The following KANK2 variants were observed in gnomAD, a reference collection of about 807,000 sequenced individuals.
The protein encoded by KANK2 is KN motif and ankyrin repeat domain-containing protein 2.
Under a neutral mutation model 74.6 loss-of-function variants are expected in KANK2, and 41 were observed. That is an observed-to-expected ratio of 0.55 (90% CI 0.43 to 0.71). KANK2 has a LOEUF of 0.71. KANK2 is among the 30% of genes least tolerant of loss of function. KANK2 has a pLI of 0.00. For synonymous variants in KANK2, 537 were observed against 519.0 expected, an observed-to-expected ratio of 1.03 and a Z score of -0.47; for missense variants, 1,148 against 1,196.4, an observed-to-expected ratio of 0.96 and a Z score of 0.60.
At chr19:11,192,388 G>GTGTC (rs2078870271) in intron 4 of KANK2, 1 of 256,486 alleles carries the variant, frequency 3.9e-6, no homozygotes, top group South Asian at 4.5e-5. Flanking sequence ...TTGGACTGAT[G>GTGTC]TGTCTGGTGG....
At chr19:11,183,054 G>A (rs1245957265) in intron 4 of KANK2, among the ~76,000 whole-genome samples, 1 of 152,044 alleles carries the variant, frequency 6.6e-6, no homozygotes, top group Non-Finnish European at 1.5e-5. Flanking sequence ...CTGGGGAATG[G>A]GGCCAACTGA....
Position 11,176,676 on chromosome 19 carries a change from C to G in KANK2, c.1662G>C (p.Ala554=). Residue 554 remains alanine (A), a synonymous_variant, in exon 7 of 13, where the codon GCG becomes GCC. Coordinates refer to ENST00000586659, the MANE Select transcript of KANK2 (RefSeq NM_001136191.3). ...APQLRPAGTA[A]AKTSRQECQL... ...GACACTCCTGCCGGCTGGTCTTGGC[C>G]GCTGCCGTCCCTGCAGGCCTGAGCT... 1 of 1,613,686 alleles carries G rather than the reference C, an allele frequency of 6.2e-7. No individual in the cohort carries two copies. The highest frequency in any genetic ancestry group is 8.5e-7 in the Non-Finnish European group (1 of 1,179,882).
chr19:11,193,844 G>T lies in KANK2; in HGVS notation c.236C>A (p.Ser79Tyr). The stretch of plus-strand genomic sequence containing the variant: ...CAGCGACTCAGTGGACGTCCACCAG[G>T]AGCCAGGGCCACGGGGCAGCGAGCT... ...RLSSLPRGPG[S>Y]WWTSTESLCS... Residue 79 changes from serine (S) to tyrosine (Y), a missense_variant, in exon 4 of 13, where the codon TCC becomes TAC. Ser to Tyr is a moderately radical substitution (Grantham distance 144, BLOSUM62 -2). Transcript: ENST00000586659. The surrounding 1 kb of genome is among the most constrained non-coding windows in gnomAD (Gnocchi z 9.6). 6.2e-7 allele frequency: 1 copy of T among 1,612,748 alleles called. No homozygotes were observed. Among genetic ancestry groups the T allele is most frequent in the Non-Finnish European group, 8.5e-7 (1 of 1,179,568 alleles).
chr19:11,188,504 C>T (rs547940746), intron 4 of KANK2, among the ~76,000 whole-genome samples: 2 of 151,390 alleles, frequency 1.3e-5, no homozygotes, highest in African/African-American at 4.9e-5. Context: ...CACACCCGGC[C>T]CATGTAAATT....
At chr19:11,181,748 G>A (rs115879155) in intron 4 of KANK2, among the ~76,000 whole-genome samples, 2,014 of 152,110 alleles carry the variant, frequency 0.013, 47 homozygotes, top group African/African-American at 0.045. Context: ...CAGGACTTTG[G>A]GAGGCTGAAG....
At chr19:11,174,957 CTTT>C (rs573242892) in intron 8 of KANK2, among the ~76,000 whole-genome samples, 15 of 140,886 alleles carry the variant, frequency 1.1e-4, no homozygotes, top group East Asian at 2.1e-4. Flanking sequence ...CTCTCTCTCT[CTTT>C]TTTTTTTTTT....
intron 4 of KANK2, among the ~76,000 whole-genome samples, chr19:11,185,797 C>T (rs2078657708): frequency 1.5e-5 from 2 of 132,938 alleles, no homozygotes; most frequent in Non-Finnish European, 3.4e-5. Context: ...AATCCCAGGG[C>T]TTTGGGAGGC....
rs1029717613 is a variant in KANK2, at chr19:11,174,468, C to G, written c.2068+5G>C. The G allele has an allele frequency of 6.2e-7, 1 of 1,601,966 alleles. No homozygotes were observed. Among genetic ancestry groups the G allele is most frequent in the Non-Finnish European group, 8.5e-7 (1 of 1,174,536 alleles). ...GAGCCGCCTCGTCCTCCCCGCTGGG[C>G]TCACCGCTGTCGAGCAGCTGCTGCA... On this transcript the variant is annotated splice_donor_5th_base_variant and intron_variant, in intron 9 of 12. Coordinates refer to ENST00000586659, the MANE Select transcript of KANK2 (RefSeq NM_001136191.3).
rs563614728 is a variant in KANK2, at chr19:11,193,769, C to A, written c.311G>T (p.Gly104Val). 1.2e-6 allele frequency: 2 copies of A among 1,612,642 alleles called. No individual in the cohort carries two copies. The highest frequency in any genetic ancestry group is 1.7e-6 in the Non-Finnish European group (2 of 1,179,722). Residue 104 changes from glycine (G) to valine (V), a missense_variant, in exon 4 of 13, where the codon GGC becomes GTC. Transcript: ENST00000586659. This position sits in a 1 kb window ranked among gnomAD's most constrained non-coding sequence, Gnocchi z 9.6. ...ACCATACTGAGGGTAGAAGCCACGGCCGCAGTAGGAATAGGCTGAGTGGCG... is the reference window on the plus strand; with the variant it reads ...ACCATACTGAGGGTAGAAGCCACGGACGCAGTAGGAATAGGCTGAGTGGCG... ...DSRHSAYSYC[G>V]RGFYPQYGAL...
At chr19:11,183,066 A>G (rs2078575605) in intron 4 of KANK2, among the ~76,000 whole-genome samples, 1 of 152,174 alleles carries the variant, frequency 6.6e-6, no homozygotes, top group Admixed American at 6.6e-5. Flanking sequence ...GCCAACTGAC[A>G]CTAAAATTTA....
In KANK2 at chr19:11,193,857, G is replaced by A. The variant is rs563907455; in HGVS notation, c.223C>T (p.Arg75Cys). 40 of 1,612,814 alleles carry A rather than the reference G, an allele frequency of 2.5e-5. No individual in the cohort carries two copies. The highest frequency in any genetic ancestry group is 3.0e-5 in the Non-Finnish European group (35 of 1,179,574). The part of the protein sequence containing the change: ...QRRPRLSSLP[R>C]GPGSWWTSTE... The stretch of plus-strand genomic sequence containing the variant: ...GACGTCCACCAGGAGCCAGGGCCAC[G>A]GGGCAGCGAGCTCAGGCGGGGGCGG... The change falls in exon 4 of 13, where the codon CGT (arginine) becomes TGT (cysteine). Residue 75 changes from arginine (R) to cysteine (C), a missense_variant. Transcript: ENST00000586659. This position sits in a 1 kb window ranked among gnomAD's most constrained non-coding sequence, Gnocchi z 9.6.
rs865959214 is a variant in KANK2 at position 11,170,882 on chromosome 19, C to T, written c.2212-634G>A. On this transcript the variant is annotated intron_variant, in intron 10 of 12. Transcript: ENST00000586659. The surrounding 1 kb of genome is among the most constrained non-coding windows in gnomAD (Gnocchi z 5.2). ...CTGTCACCAGGCTGGAGTGCAGTGGCGCAATCTCGGCTCACTGCAACCTCC... is the reference window on the plus strand; with the variant it reads ...CTGTCACCAGGCTGGAGTGCAGTGGTGCAATCTCGGCTCACTGCAACCTCC... Among the ~76,000 whole-genome samples the T allele has an allele frequency of 3.9e-5, 6 of 152,118 alleles. No individual in the cohort carries two copies. Among genetic ancestry groups the T allele is most frequent in the African/African-American group, 1.4e-4 (6 of 41,426 alleles).
intron 12 of KANK2, among the ~76,000 whole-genome samples, chr19:11,168,567 G>A (rs933878707): frequency 5.3e-5 from 8 of 152,112 alleles, no homozygotes; most frequent in Non-Finnish European, 7.4e-5. Flanking sequence ...GTGAGCCACC[G>A]CGCCCAGCCT....
intron 10 of KANK2, among the ~76,000 whole-genome samples, chr19:11,172,099 C>T (rs1037041566): frequency 1.3e-5 from 2 of 149,106 alleles, no homozygotes; most frequent in Admixed American, 1.3e-4. Flanking sequence ...CCTCAGCCTC[C>T]CGAGTGGCTG....
chr19:11,178,864 A>T, intron 4 of KANK2, 144 bp from the exon 5 acceptor site: 1 of 717,086 alleles, frequency 1.4e-6, no homozygotes, highest in Non-Finnish European at 2.1e-6. Flanking sequence ...CTTGGAGGGA[A>T]ATCGGATTAT....
Position 11,174,626 on chromosome 19 carries a change from C to T in KANK2, c.1915G>A (p.Glu639Lys), listed in dbSNP as rs752323375. 18 of 1,612,126 alleles carry T rather than the reference C, an allele frequency of 1.1e-5. No individual in the cohort carries two copies. Among genetic ancestry groups the T allele is most frequent in the East Asian group, 8.9e-5 (4 of 44,850 alleles). ...GTGACCAGGTGCCGCCGCACCAGCT[C>T]GGGGTGTGCGTCGCTGCGGCAGGCC... ...RLACRSDAHP[E>K]LVRRHLVTFR... is the part of the protein sequence containing the mutation. The change falls in exon 9 of 13, where the codon GAG becomes AAG. Residue 639 changes from glutamate (E) to lysine (K), a missense_variant. By Grantham distance (56) the Glu-to-Lys change is moderately conservative (BLOSUM62 1). Coordinates refer to ENST00000586659, the MANE Select transcript of KANK2 (RefSeq NM_001136191.3).
Position 11,193,014 on chromosome 19 carries a change from T to G in KANK2, c.1066A>C (p.Ser356Arg). The G allele has an allele frequency of 1.2e-6, 2 of 1,613,358 alleles. No individual in the cohort carries two copies. Among genetic ancestry groups the G allele is most frequent in the Non-Finnish European group, 1.7e-6 (2 of 1,179,778 alleles). The change falls in exon 4 of 13, where the codon AGC becomes CGC. Residue 356 changes from serine to arginine, a missense_variant. Coordinates refer to ENST00000586659, the MANE Select transcript of KANK2 (RefSeq NM_001136191.3). This position sits in a 1 kb window ranked among gnomAD's most constrained non-coding sequence, Gnocchi z 9.6. ...AAGAPAQRAQ[S>R]LEPYGTGLRA... The stretch of plus-strand genomic sequence containing the variant: ...AGCCCTGTGCCGTAAGGCTCCAGGC[T>G]CTGGGCCCGCTGTGCGGGGGCGCCA...
chr19:11,173,965 G>A (rs1161263842), intron 9 of KANK2, among the ~76,000 whole-genome samples: 1 of 151,540 alleles, frequency 6.6e-6, no homozygotes, highest in East Asian at 1.9e-4. Context: ...GGCAGGTGGT[G>A]TCTCCTCCAT....
At chr19:11,168,128 G>A (rs12104211) in intron 12 of KANK2, among the ~76,000 whole-genome samples, 2 of 149,264 alleles carry the variant, frequency 1.3e-5, no homozygotes, top group South Asian at 4.3e-4. Context: ...TAAGCCTCCA[G>A]AATAGCTGAG....
Sources: allele counts gnomAD v4.1 joint callset (sites outside exome capture counted in the v4.1 genomes callset), GRCh38; gene constraint gnomAD v4.1.1; non-coding constraint Gnocchi (gnomAD v3.1); transcripts MANE v1.5; gene names NCBI Gene and HGNC (gene_info 2026-07-23, HGNC 2026-07-21).